Variants in RAB27A observed in about 807,000 individuals in gnomAD.
RAB27A encodes the protein RAB27A, member RAS oncogene family.
In RAB27A, 17 loss-of-function variants were observed where a neutral mutation model predicts 20.8. The observed-to-expected ratio is 0.82, with a 90% CI of 0.56 to 1.23. The LOEUF (loss-of-function observed/expected upper bound fraction) is 1.23, where lower values mean the gene tolerates loss of function less well. RAB27A is among the 50% of genes most tolerant of loss of function. The pLI is 0.00. For synonymous variants in RAB27A, 85 were observed against 92.8 expected (o/e 0.92, Z 0.48); for missense variants, 277 against 266.7 (o/e 1.04, Z -0.27).
At chr15:55,303,113 T>G (rs867882176) in intron 2 of RAB27A, among the ~76,000 whole-genome samples, 3 of 91,074 alleles carry the variant, frequency 3.3e-5, no homozygotes, top group Admixed American at 2.1e-4. Context: ...TGGCCAGCCG[T>G]GCCGTCCGGG....
intron 1 of RAB27A, among the ~76,000 whole-genome samples, chr15:55,282,473 T>C (rs1898041442): frequency 6.6e-6 from 1 of 152,136 alleles, no homozygotes; most frequent in Non-Finnish European, 1.5e-5. Context: ...TGACTCAGGG[T>C]GAGGTTTTTT....
At chr15:55,244,571 A>T (rs1896617771) in intron 2 of RAB27A, among the ~76,000 whole-genome samples, 1 of 152,194 alleles carries the variant, frequency 6.6e-6, no homozygotes. Context: ...ATTTTTATAA[A>T]GAGAAACATA....
intron 6 of RAB27A, among the ~76,000 whole-genome samples, chr15:55,215,945 CAA>C (rs1162706734): frequency 1.7e-4 from 9 of 52,886 alleles, no homozygotes; most frequent in South Asian, 7.7e-4. Flanking sequence ...GACGCCGTCT[CAA>C]AAAAAAAAAA....
chr15:55,305,216 T>G (rs983482191), intron 2 of RAB27A, among the ~76,000 whole-genome samples: 3 of 152,132 alleles, frequency 2.0e-5, no homozygotes, highest in Admixed American at 1.3e-4. Context: ...CAGTCCCTAC[T>G]CCACAGGAAA....
intron 1 of RAB27A, among the ~76,000 whole-genome samples, chr15:55,316,618 A>T (rs2141148905): frequency 6.6e-6 from 1 of 152,226 alleles, no homozygotes; most frequent in Non-Finnish European, 1.5e-5. Flanking sequence ...GAAAATACAA[A>T]CTTAACGCTA....
chr15:55,271,839 T>TA (rs1897717443), intron 1 of RAB27A, among the ~76,000 whole-genome samples: 1 of 152,128 alleles, frequency 6.6e-6, no homozygotes, highest in Non-Finnish European at 1.5e-5. Context: ...CTGTCCAATC[T>TA]AAAAAAACCA....
intron 6 of RAB27A, among the ~76,000 whole-genome samples, chr15:55,223,362 A>G (rs948477592): frequency 1.3e-5 from 2 of 151,938 alleles, no homozygotes; most frequent in Admixed American, 1.3e-4. Flanking sequence ...TACAAAAATT[A>G]GCCGGGCATG....
At chr15:55,292,047 G>A (rs990805866), upstream of RAB27A, among the ~76,000 whole-genome samples, 5 of 152,162 alleles carry the variant, frequency 3.3e-5, no homozygotes, top group South Asian at 1.0e-3. Flanking sequence ...GGAAGCAAAA[G>A]ATAGCATTCA....
At chr15:55,316,927 C>T (rs377174527) in intron 1 of RAB27A, among the ~76,000 whole-genome samples, 24 of 152,220 alleles carry the variant, frequency 1.6e-4, no homozygotes, top group African/African-American at 5.8e-4. Context: ...TGCAGGGTAA[C>T]GGAGTGGATT....
chr15:55,303,043 G>GC (rs1317972095), intron 2 of RAB27A, among the ~76,000 whole-genome samples: 9 of 141,678 alleles, frequency 6.4e-5, no homozygotes, highest in Non-Finnish European at 9.3e-5. Context: ...TGGGGGATCA[G>GC]CCCCCCCGCC....
At chr15:55,304,490 A>AG (rs2054989307) in intron 2 of RAB27A, among the ~76,000 whole-genome samples, 1 of 151,396 alleles carries the variant, frequency 6.6e-6, no homozygotes, top group African/African-American at 2.4e-5. Context: ...AAGAAAAAAA[A>AG]AAGTCATCTC....
At chr15:55,266,155 T>A (rs1595733176) in intron 2 of RAB27A, among the ~76,000 whole-genome samples, 1 of 152,212 alleles carries the variant, frequency 6.6e-6, no homozygotes, top group African/African-American at 2.4e-5. Flanking sequence ...TGAGGATAGA[T>A]CCTTCATGAA....
intron 6 of RAB27A, among the ~76,000 whole-genome samples, chr15:55,212,872 G>A (rs1368755300): frequency 6.6e-6 from 1 of 152,186 alleles, no homozygotes; most frequent in Non-Finnish European, 1.5e-5. Flanking sequence ...CCAAAGACCT[G>A]TGGTACAGGT....
At chr15:55,237,826 A>G (rs558226258) in intron 2 of RAB27A, among the ~76,000 whole-genome samples, 201 of 152,310 alleles carry the variant, frequency 1.3e-3, no homozygotes, top group African/African-American at 4.7e-3. Flanking sequence ...AAAAGTTGGT[A>G]TAACTATGTT....
intron 6 of RAB27A, among the ~76,000 whole-genome samples, chr15:55,216,107 G>C (rs1404007086): frequency 6.6e-6 from 1 of 152,112 alleles, no homozygotes; most frequent in African/African-American, 2.4e-5. Flanking sequence ...GTATCTTCTT[G>C]TAATGATTAA....
intron 2 of RAB27A, among the ~76,000 whole-genome samples, chr15:55,256,614 A>C (rs1897089154): frequency 1.3e-5 from 2 of 152,220 alleles, no homozygotes; most frequent in African/African-American, 4.8e-5. Flanking sequence ...AAAGGATACA[A>C]ATGTGCCTCA....
rs74414786 is a variant in RAB27A, at chr15:55,288,155, A to C, written c.-143+1561T>G. 5.1e-4 allele frequency among the ~76,000 whole-genome samples: 77 copies of C among 152,360 alleles called. 2 individuals carry two copies. The East Asian group carries it at 0.015, about 29-fold the overall frequency. On this transcript the variant is annotated intron_variant, in intron 1 of 6. Coordinates refer to ENST00000336787, the MANE Select transcript of RAB27A (RefSeq NM_183235.3). ...AACTATAAAACTTTTAGAAGAAAACATAAGTATAAATCTTCATGATCTTGA... is the reference window on the plus strand; with the variant it reads ...AACTATAAAACTTTTAGAAGAAAACCTAAGTATAAATCTTCATGATCTTGA...
At chr15:55,236,669 T>A (rs1896270540) in intron 2 of RAB27A, among the ~76,000 whole-genome samples, 1 of 152,220 alleles carries the variant, frequency 6.6e-6, no homozygotes, top group African/African-American at 2.4e-5. Flanking sequence ...TCAGTCCAAC[T>A]AGAAATGGGA....
At chr15:55,215,690 G>A (rs950693532) in intron 6 of RAB27A, among the ~76,000 whole-genome samples, 5 of 149,382 alleles carry the variant, frequency 3.3e-5, no homozygotes, top group South Asian at 2.1e-4. Context: ...GGTCGGGCGC[G>A]GTAGCTCACG....
Sources: gnomAD v4.1 joint callset for allele counts (sites outside exome capture counted in the v4.1 genomes callset) on GRCh38, gnomAD v4.1.1 for gene constraint, MANE v1.5 for transcripts, NCBI Gene and HGNC (gene_info 2026-07-23, HGNC 2026-07-21) for gene names.